Variants in CHIA observed in about 807,000 individuals in gnomAD.
CHIA encodes acidic mammalian chitinase.
A neutral mutation model predicts 53.5 loss-of-function variants in CHIA; 47 were observed. The observed-to-expected ratio is 0.88, with a 90% confidence interval of 0.70 to 1.12. The LOEUF is 1.12. CHIA is among the 50% of genes most tolerant of loss of function. CHIA has a pLI of 0.00. For missense variants in CHIA, 652 were observed against 592.2 expected (o/e 1.10, Z -1.05); for synonymous variants, 268 against 222.2 (o/e 1.21, Z -1.83).
chr1:111,312,805 C>T (rs75489909), intron 4 of CHIA, among the ~76,000 whole-genome samples: 3,013 of 152,002 alleles, frequency 0.02, 36 homozygotes, highest in Non-Finnish European at 0.031. Flanking sequence ...AACCCCCATC[C>T]CCACACCACC....
Position 111,312,370 on chromosome 1 carries a change from C to G in CHIA, c.236C>G (p.Ala79Gly), listed in dbSNP as rs368959092. ...IEWNDVTLYQ[A>G]FNGLKNKNSQ... is the part of the protein sequence containing the mutation. ...TGGAATGATGTGACTCTCTACCAAG[C>G]TTTCAATGGCCTGAAAAATAAGTAG... The change falls in exon 4 of 12, where the codon GCT (alanine) becomes GGT (glycine). Residue 79 changes from alanine (A) to glycine (G), a missense_variant. By Grantham distance (60) the Ala-to-Gly change is moderately conservative (BLOSUM62 0). Coordinates refer to ENST00000369740, the MANE Select transcript of CHIA (RefSeq NM_201653.4). 1.9e-6 allele frequency: 3 copies of G among 1,613,886 alleles called. No homozygotes were observed. The African/African-American group carries it at 4.0e-5, about 22-fold the overall frequency.
intron 1 of CHIA, 48 bp downstream of exon 1, chr1:111,290,998 C>T: frequency 2.7e-6 from 1 of 369,892 alleles, no homozygotes; most frequent in Non-Finnish European, 5.3e-6. Context: ...TTTCCCATTG[C>T]AATTTGATTG....
In CHIA at chr1:111,312,189, G is replaced by C. The variant is rs759140330; in HGVS notation, c.56-1G>C. ...TTGTCCCTCCTGCTGACTACACACA[G>C]GCTCTGCCTACCAGCTGACATGCTA... is the stretch of plus-strand genomic sequence containing the variant. On this transcript the variant is annotated splice_acceptor_variant, in intron 3 of 11. Transcript: ENST00000369740. LOFTEE classifies it high-confidence loss of function. 5.0e-6 allele frequency: 8 copies of C among 1,613,566 alleles called. No individual in the cohort carries two copies. Among genetic ancestry groups the C allele is most frequent in the Non-Finnish European group, 6.8e-6 (8 of 1,179,522 alleles).
At position 111,310,421 on chromosome 1, in the gene CHIA, A is replaced by G. The variant is rs1377160979; in HGVS notation, c.-47A>G. ...TTAGAAGCCTTTGTGATAACCACAG[A>G]ATCAGAACATATAAAAAGCTCTGCG... On this transcript the variant is annotated 5_prime_UTR_variant, in exon 2 of 12. Coordinates refer to ENST00000369740, the MANE Select transcript of CHIA (RefSeq NM_201653.4). 1 of 1,575,788 alleles carries G rather than the reference A, an allele frequency of 6.3e-7. No individual in the cohort carries two copies. The highest frequency in any genetic ancestry group is 1.7e-5 in the Admixed American group (1 of 58,714).
At chr1:111,318,446 G>A (rs756000275) in intron 8 of CHIA, 47 bp from the exon 9 acceptor site, 2 of 1,499,904 alleles carry the variant, frequency 1.3e-6, no homozygotes, top group South Asian at 1.2e-5. Flanking sequence ...ACTAAGTACT[G>A]GGTCCTCAGC....
chr1:111,295,520 C>A (rs1385520567), intron 1 of CHIA, among the ~76,000 whole-genome samples: 2 of 152,224 alleles, frequency 1.3e-5, no homozygotes, highest in Non-Finnish European at 2.9e-5. Flanking sequence ...AATCCAACCA[C>A]TGAGAATTAG....
At chr1:111,291,204 A>G (rs1295361804) in intron 1 of CHIA, among the ~76,000 whole-genome samples, 1 of 152,170 alleles carries the variant, frequency 6.6e-6, no homozygotes, top group Non-Finnish European at 1.5e-5. Flanking sequence ...ATAAAGACAC[A>G]TGCACACGTA....
In CHIA at chr1:111,319,365, G is replaced by T. The variant is rs1296468166; in HGVS notation, c.1074G>T (p.Met358Ile). ...AGCACAACAAATTTGGAGGCGCCAT[G>T]GTCTGGGCCATTGATCTGGATGACT... ...WLKHNKFGGAMVWAIDLDDFT... is the reference protein window; with the variant it reads ...WLKHNKFGGAIVWAIDLDDFT... The change falls in exon 11 of 12, where the codon ATG (methionine) becomes ATT (isoleucine). Residue 358 changes from methionine to isoleucine, a missense_variant. Transcript: ENST00000369740. 6.2e-7 allele frequency: 1 copy of T among 1,614,206 alleles called. No individual in the cohort carries two copies. Among genetic ancestry groups the T allele is most frequent in the Admixed American group, 1.7e-5 (1 of 60,024 alleles).
At chr1:111,312,002 T>C (rs143214976) in intron 3 of CHIA, among the ~76,000 whole-genome samples, 188 bp from the exon 4 acceptor site, 274 of 152,144 alleles carry the variant, frequency 1.8e-3, no homozygotes, top group Middle Eastern at 3.4e-3. Context: ...AATAAACAAC[T>C]CCAAGTTAGT....
chr1:111,311,554 C>T, intron 2 of CHIA, 135 bp from the exon 3 acceptor site: 3 of 959,090 alleles, frequency 3.1e-6, no homozygotes, highest in Non-Finnish European at 5.0e-6. Context: ...CACTGAAAAG[C>T]CTTTGGAATC....
chr1:111,298,842 A>G (rs551645600), intron 1 of CHIA, among the ~76,000 whole-genome samples: 12 of 152,286 alleles, frequency 7.9e-5, no homozygotes, highest in African/African-American at 2.9e-4. Context: ...GACTGCTAGC[A>G]AGACTTACAA....
Position 111,320,259 on chromosome 1 carries a change from C to T in CHIA, c.1224C>T (p.Pro408=), listed in dbSNP as rs1269281694. ...CCATTGAGCCAATAACTGCTGCTCCCAGTGGCAGCGGGAACGGGAGCGGGA... is the reference window on the plus strand; with the variant it reads ...CCATTGAGCCAATAACTGCTGCTCCTAGTGGCAGCGGGAACGGGAGCGGGA... ...AQPIEPITAA[P]SGSGNGSGSS... Residue 408 remains proline, a synonymous_variant, in exon 12 of 12, where the codon CCC becomes CCT. Transcript: ENST00000369740. 12 of 1,614,068 alleles carry T rather than the reference C, an allele frequency of 7.4e-6. No homozygotes were observed. The highest frequency in any genetic ancestry group is 5.1e-6 in the Non-Finnish European group (6 of 1,179,912).
intron 1 of CHIA, among the ~76,000 whole-genome samples, chr1:111,296,583 G>A (rs912939627): frequency 3.9e-5 from 6 of 152,190 alleles, no homozygotes; most frequent in African/African-American, 7.2e-5. Context: ...CAACATCAAA[G>A]ACCAAAGGTA....
intron 3 of CHIA, 62 bp from the exon 4 acceptor site, chr1:111,312,128 C>T: frequency 2.9e-6 from 4 of 1,400,632 alleles, no homozygotes; most frequent in East Asian, 2.3e-5. Flanking sequence ...AAGGCCAAAA[C>T]TCACAGCACA....
rs138423694 is a variant in CHIA, at chr1:111,313,195, T to C, written c.257+804T>C. ...GTAGTGTAACTGCTGGATCATATGG[T>C]AGTTATTTCTTTGATTTTTTGAGGA... On this transcript the variant is annotated intron_variant, in intron 4 of 11. Transcript: ENST00000369740. Among the ~76,000 whole-genome samples, 1,280 of 152,310 alleles carry C rather than the reference T, an allele frequency of 8.4e-3. 7 individuals carry two copies. The highest frequency in any genetic ancestry group is 0.014 in the Non-Finnish European group (957 of 68,040).
Position 111,311,718 on chromosome 1 carries a change from G to T in CHIA, c.55G>T (p.Gly19Cys), listed in dbSNP as rs769844294. Reference sequence around the variant, plus strand: ...TGTCCTTATACTGAATTTGCAGCTCGGTAAGTCATGGACTCCATGTTTTAT... The same window carrying T: ...TGTCCTTATACTGAATTTGCAGCTCTGTAAGTCATGGACTCCATGTTTTAT... ...GLVLILNLQL[G>C]SAYQLTCYFT... The change falls in exon 3 of 12, where the codon GGC becomes TGC. Residue 19 changes from glycine (G) to cysteine (C), a missense_variant and splice_region_variant. Gly to Cys is a radical substitution (Grantham distance 159, BLOSUM62 -3). Transcript: ENST00000369740. The T allele has an allele frequency of 6.2e-7, 1 of 1,613,524 alleles. No homozygotes were observed. The highest frequency in any genetic ancestry group is 8.5e-7 in the Non-Finnish European group (1 of 1,179,670).
At chr1:111,291,704 A>G (rs1220719712) in intron 1 of CHIA, among the ~76,000 whole-genome samples, 1 of 152,110 alleles carries the variant, frequency 6.6e-6, no homozygotes, top group East Asian at 1.9e-4. Flanking sequence ...GGAAAAATAT[A>G]TAGCAAAATG....
chr1:111,302,408 A>C (rs1011603635), intron 1 of CHIA, among the ~76,000 whole-genome samples: 10 of 152,290 alleles, frequency 6.6e-5, no homozygotes, highest in African/African-American at 2.2e-4. Context: ...GTTCTCACTT[A>C]GTAGTGCCTT....
In CHIA at chr1:111,312,316, G is replaced by A. The variant is rs41282496; in HGVS notation, c.182G>A (p.Arg61Lys). The change falls in exon 4 of 12, where the codon AGG (arginine) becomes AAG (lysine). Residue 61 changes from arginine (R) to lysine (K), a missense_variant. Physicochemically the swap from Arg to Lys is conservative, Grantham distance 26. Coordinates refer to ENST00000369740, the MANE Select transcript of CHIA (RefSeq NM_201653.4). ...CACCTGATCTACGCCTTTGCTGGGA[G>A]GCAGAACAACGAGATCACCACCATC... ...CTHLIYAFAG[R>K]QNNEITTIEW... is the part of the protein sequence containing the mutation. The A allele has an allele frequency of 6.2e-7, 1 of 1,613,914 alleles. No homozygotes were observed. The highest frequency in any genetic ancestry group is 8.5e-7 in the Non-Finnish European group (1 of 1,179,942).
Sources: allele counts gnomAD v4.1 joint callset (sites outside exome capture counted in the v4.1 genomes callset), GRCh38; gene constraint gnomAD v4.1.1; transcripts MANE v1.5; gene names NCBI Gene and HGNC (gene_info 2026-07-23, HGNC 2026-07-21).